GAD2: variants seen among roughly 807,000 people sequenced by gnomAD.
GAD2 encodes 65 kDa glutamic acid decarboxylase.
Under a neutral mutation model 80.1 loss-of-function variants are expected in GAD2, and 22 were observed. That is an observed-to-expected ratio of 0.27 (90% CI 0.20 to 0.39). The LOEUF is 0.39. Ranked by LOEUF, GAD2 falls within the 10% of genes least tolerant of loss-of-function variation. The probability of loss-of-function intolerance (pLI) is 1.00; values close to 1 mark genes in which losing one functional copy is unlikely to be tolerated. For missense variants in GAD2, 624 were observed against 738.4 expected (o/e 0.85, Z 1.80); for synonymous variants, 274 against 256.9 (o/e 1.07, Z -0.64).
intron 7 of GAD2, among the ~76,000 whole-genome samples, chr10:26,242,756 T>G (rs1844758719): frequency 6.6e-6 from 1 of 152,234 alleles, no homozygotes. Context: ...TCAATTATCC[T>G]GGGTAATTGC....
intron 11 of GAD2, among the ~76,000 whole-genome samples, chr10:26,277,030 G>A (rs569182786): frequency 1.3e-5 from 2 of 152,346 alleles, no homozygotes; most frequent in African/African-American, 4.8e-5. Flanking sequence ...GGAAGTAAAG[G>A]CTGGAGAGAC....
At chr10:26,238,201 T>G (rs766801590) in intron 7 of GAD2, among the ~76,000 whole-genome samples, 55 of 152,134 alleles carry the variant, frequency 3.6e-4, no homozygotes, top group Non-Finnish European at 6.6e-4. Flanking sequence ...AAATGATATG[T>G]AAGGCACCTC....
chr10:26,237,695 C>T (rs1844692043), intron 7 of GAD2, among the ~76,000 whole-genome samples: 2 of 152,178 alleles, frequency 1.3e-5, no homozygotes, highest in Non-Finnish European at 2.9e-5. Flanking sequence ...TCCCTACATA[C>T]ATATATTTAT....
chr10:26,294,707 G>A (rs1333364392), intron 15 of GAD2, among the ~76,000 whole-genome samples: 4 of 152,154 alleles, frequency 2.6e-5, no homozygotes, highest in African/African-American at 4.8e-5. Context: ...TGATGATTTC[G>A]TGAAGTTGGT....
chr10:26,217,919 G>T lies in GAD2; in HGVS notation c.214G>T (p.Ala72Ser), dbSNP rs1844400215. ...CCCGCGGGCCGCCGCCCGGAAGGCCGCCTGCGCCTGCGACCAGAAGCCCTG... is the reference window on the plus strand; with the variant it reads ...CCCGCGGGCCGCCGCCCGGAAGGCCTCCTGCGCCTGCGACCAGAAGCCCTG... ...QPPRAAARKA[A>S]CACDQKPCSC... The change falls in exon 3 of 16, where the codon GCC (alanine) becomes TCC (serine). Residue 72 changes from alanine to serine, a missense_variant. Physicochemically the swap from Ala to Ser is moderately conservative, Grantham distance 99. Transcript: ENST00000376261. This position sits in a 1 kb window ranked among gnomAD's most constrained non-coding sequence, Gnocchi z 4.9. 1 of 1,611,216 alleles carries T rather than the reference G, an allele frequency of 6.2e-7. No homozygotes were observed. Among genetic ancestry groups the T allele is most frequent in the African/African-American group, 1.3e-5 (1 of 74,862 alleles).
At chr10:26,251,292 G>T (rs1438165464) in intron 8 of GAD2, among the ~76,000 whole-genome samples, 1 of 152,028 alleles carries the variant, frequency 6.6e-6, no homozygotes, top group Non-Finnish European at 1.5e-5. Context: ...TTTTACATAT[G>T]AATATGTCAG....
intron 11 of GAD2, among the ~76,000 whole-genome samples, chr10:26,276,602 G>A (rs995043347): frequency 6.6e-6 from 1 of 152,160 alleles, no homozygotes; most frequent in Non-Finnish European, 1.5e-5. Context: ...TGGCCAGGCT[G>A]GTCTTGAACT....
intron 8 of GAD2, among the ~76,000 whole-genome samples, chr10:26,249,319 C>G (rs1379676930): frequency 6.6e-6 from 1 of 152,208 alleles, no homozygotes; most frequent in East Asian, 1.9e-4. Flanking sequence ...GCCTCGGCCT[C>G]TCAAAGTGCT....
chr10:26,228,534 C>T lies in GAD2; in HGVS notation c.725-1128C>T, dbSNP rs8190623. Among the ~76,000 whole-genome samples the T allele has an allele frequency of 3.5e-3, 537 of 152,246 alleles. 3 individuals are homozygous for T. The highest frequency in any genetic ancestry group is 0.012 in the African/African-American group (512 of 41,544). ...GTTTATCCTTTATAACAGGGGTCCC[C>T]AACCCCCTGGTGGTGGATCGGTACA... On this transcript the variant is annotated intron_variant, in intron 6 of 15. Coordinates refer to ENST00000376261, the MANE Select transcript of GAD2 (RefSeq NM_001134366.2).
chr10:26,246,034 A>G (rs1216512804), intron 8 of GAD2, 34 bp downstream of exon 8: 1 of 1,586,048 alleles, frequency 6.3e-7, no homozygotes, highest in Non-Finnish European at 8.6e-7. Context: ...GTTGGTTAGC[A>G]ATTTGCAAAT....
At chr10:26,222,432 A>C (rs1166678524) in intron 4 of GAD2, among the ~76,000 whole-genome samples, 1 of 151,920 alleles carries the variant, frequency 6.6e-6, no homozygotes, top group African/African-American at 2.4e-5. Context: ...GAAATGAAGG[A>C]GCATCGGGAG....
At chr10:26,232,357 A>G (rs376192518) in intron 7 of GAD2, among the ~76,000 whole-genome samples, 2 of 152,020 alleles carry the variant, frequency 1.3e-5, no homozygotes, top group African/African-American at 4.8e-5. Flanking sequence ...TGAGCTTCTC[A>G]GCCTCATGCT....
chr10:26,264,704 G>A (rs1328779108), intron 8 of GAD2, among the ~76,000 whole-genome samples: 3 of 152,146 alleles, frequency 2.0e-5, no homozygotes, highest in African/African-American at 4.8e-5. Flanking sequence ...TTGTAGGGTC[G>A]GGAGGAGGAG....
chr10:26,248,207 C>A (rs1844833409), intron 8 of GAD2, among the ~76,000 whole-genome samples: 1 of 152,178 alleles, frequency 6.6e-6, no homozygotes, highest in South Asian at 2.1e-4. Flanking sequence ...GGTTACACAT[C>A]AGTTTGGCCC....
At chr10:26,272,355 G>A (rs1845146757) in intron 10 of GAD2, among the ~76,000 whole-genome samples, 1 of 152,170 alleles carries the variant, frequency 6.6e-6, no homozygotes, top group Admixed American at 6.5e-5. Flanking sequence ...AAATGAGAAT[G>A]TCTGTGTGTC....
Position 26,292,894 on chromosome 10 carries a change from C to G in GAD2, c.1495-8C>G. 1.2e-6 allele frequency: 2 copies of G among 1,612,268 alleles called. No homozygotes were observed. The highest frequency in any genetic ancestry group is 1.7e-6 in the Non-Finnish European group (2 of 1,178,432). Reference sequence around the variant, plus strand: ...GGCCAAATGTGAATCTTCCTTTCCTCTTTGTAGCCTCAGCACACAAATGTC... The same window carrying G: ...GGCCAAATGTGAATCTTCCTTTCCTGTTTGTAGCCTCAGCACACAAATGTC... On this transcript the variant is annotated splice_region_variant and splice_polypyrimidine_tract_variant and intron_variant, in intron 14 of 15. Transcript: ENST00000376261.
At chr10:26,250,480 T>A (rs1269983083) in intron 8 of GAD2, among the ~76,000 whole-genome samples, 1 of 152,062 alleles carries the variant, frequency 6.6e-6, no homozygotes, top group East Asian at 1.9e-4. Context: ...TCTCCCTTTG[T>A]GCTCATAAGC....
chr10:26,252,671 T>C (rs1386671485), intron 8 of GAD2, among the ~76,000 whole-genome samples: 1 of 151,198 alleles, frequency 6.6e-6, no homozygotes, highest in African/African-American at 2.4e-5. Context: ...TCTTTTTTTT[T>C]TGAGACGGAA....
intron 4 of GAD2, among the ~76,000 whole-genome samples, chr10:26,220,604 T>A (rs1169694314): frequency 6.6e-6 from 1 of 152,152 alleles, no homozygotes; most frequent in Non-Finnish European, 1.5e-5. Flanking sequence ...CATTAAAAAT[T>A]TTCCTACCCC....
Sources: allele counts gnomAD v4.1 joint callset (sites outside exome capture counted in the v4.1 genomes callset), GRCh38; gene constraint gnomAD v4.1.1; non-coding constraint Gnocchi (gnomAD v3.1); transcripts MANE v1.5; gene names NCBI Gene and HGNC (gene_info 2026-07-23, HGNC 2026-07-21).